Variants in TSHZ1 observed in about 807,000 individuals in gnomAD.
TSHZ1 encodes teashirt homolog 1.
TSHZ1 carries 12 observed loss-of-function variants against 67.1 expected under a neutral mutation model. The ratio of observed to expected loss-of-function variants is 0.18; its 90% CI spans 0.11 to 0.29. The LOEUF (loss-of-function observed/expected upper bound fraction) is 0.29, where lower values mean the gene tolerates loss of function less well. Ranked by LOEUF, TSHZ1 falls within the 10% of genes least tolerant of loss-of-function variation. The pLI, the probability that TSHZ1 is intolerant of heterozygous loss-of-function variation, is 1.00. For missense variants in TSHZ1, 1,305 were observed against 1,413.9 expected (o/e 0.92, Z 1.23); for synonymous variants, 632 against 622.4 (o/e 1.02, Z -0.23).
At chr18:75,266,602 G>A (rs371300009) in intron 1 of TSHZ1, among the ~76,000 whole-genome samples, 43 of 152,306 alleles carry the variant, frequency 2.8e-4, no homozygotes, top group African/African-American at 9.9e-4. Flanking sequence ...TGAAACATAA[G>A]GATGTCTTTT....
chr18:75,278,258 G>A (rs2023639291), intron 1 of TSHZ1, among the ~76,000 whole-genome samples: 1 of 145,542 alleles, frequency 6.9e-6, no homozygotes, highest in Non-Finnish European at 1.5e-5. Flanking sequence ...TAGCCTGGGG[G>A]TGGGTTGGAG....
chr18:75,251,835 G>C (rs1421131489), intron 1 of TSHZ1, among the ~76,000 whole-genome samples: 2 of 152,170 alleles, frequency 1.3e-5, no homozygotes, highest in East Asian at 1.9e-4. Context: ...ATTTGGAAAA[G>C]CTGGAATAAA....
intron 1 of TSHZ1, among the ~76,000 whole-genome samples, chr18:75,273,496 T>G (rs2023581526): frequency 6.6e-6 from 1 of 152,230 alleles, no homozygotes; most frequent in Middle Eastern, 3.2e-3. Context: ...AACAAAGATG[T>G]TTTAAACAAT....
chr18:75,234,339 A>G (rs956288022), intron 1 of TSHZ1, among the ~76,000 whole-genome samples: 2 of 151,720 alleles, frequency 1.3e-5, no homozygotes, highest in African/African-American at 4.8e-5. Context: ...CTTTCCATCC[A>G]CTTCCTTATC....
Position 75,211,029 on chromosome 18 carries a change from T to C in TSHZ1, c.-848T>C, listed in dbSNP as rs1599364426. 1 of 151,924 alleles carries C rather than the reference T, an allele frequency of 6.6e-6. No individual in the cohort carries two copies. Among genetic ancestry groups the C allele is most frequent in the Non-Finnish European group, 1.5e-5 (1 of 68,006 alleles). 9.4% of individuals were successfully genotyped at this position (151,924 alleles called of 1,614,324 possible). A position where few individuals can be genotyped will look rare whatever the true frequency, so the allele number is the denominator to read the frequency against. ...GGGGGGGGTGCTTTTTGTGTATTTT[T>C]CAAATTTTTTTCTGTTGGAAGATCA... On this transcript the variant is annotated 5_prime_UTR_variant, in exon 1 of 2. Transcript: ENST00000580243.
In TSHZ1 at chr18:75,267,328, C is replaced by T. The variant is rs76522536; in HGVS notation, c.41-18120C>T. 6.8e-3 allele frequency among the ~76,000 whole-genome samples: 1,035 copies of T among 152,340 alleles called. 3 individuals are homozygous for T. Among genetic ancestry groups the T allele is most frequent in the South Asian group, 0.014 (68 of 4,832 alleles). On this transcript the variant is annotated intron_variant, in intron 1 of 1. Transcript: ENST00000580243. Reference sequence around the variant, plus strand: ...GGATAGTCACAGAACAGACAGACCCCATCTCACCCATAGACCGTGGAGTCA... The same window carrying T: ...GGATAGTCACAGAACAGACAGACCCTATCTCACCCATAGACCGTGGAGTCA...
At position 75,287,870 on chromosome 18, in the gene TSHZ1, G is replaced by A. The variant is rs368209671; in HGVS notation, c.2463G>A (p.Val821=). The A allele has an allele frequency of 6.2e-7, 1 of 1,614,078 alleles. No individual in the cohort carries two copies. Among genetic ancestry groups the A allele is most frequent in the African/African-American group, 1.3e-5 (1 of 74,946 alleles). Residue 821 remains valine, a synonymous_variant, in exon 2 of 2, where the codon GTG becomes GTA. Coordinates refer to ENST00000580243, the MANE Select transcript of TSHZ1 (RefSeq NM_001308210.2). The surrounding 1 kb of genome is among the most constrained non-coding windows in gnomAD (Gnocchi z 5.0). ...CCAAGTCCAAGAACAAGCCGCTGGT[G>A]TCCAGCGTGGCTGATTCGGTGGCAT... The part of the protein sequence containing the change: ...DLTKSKNKPL[V]SSVADSVASP...
chr18:75,267,499 T>C (rs973299216), intron 1 of TSHZ1, among the ~76,000 whole-genome samples: 3 of 152,152 alleles, frequency 2.0e-5, no homozygotes, highest in Non-Finnish European at 4.4e-5. Context: ...CGCCAGTGGG[T>C]CCTGAAACAC....
At chr18:75,267,040 TA>T (rs2023497952) in intron 1 of TSHZ1, among the ~76,000 whole-genome samples, 1 of 152,228 alleles carries the variant, frequency 6.6e-6, no homozygotes, top group South Asian at 2.1e-4. Flanking sequence ...AAAAAGTTTT[TA>T]TTTCTGTTAT....
chr18:75,239,692 CAG>C (rs2023128772), intron 1 of TSHZ1, among the ~76,000 whole-genome samples: 1 of 152,154 alleles, frequency 6.6e-6, no homozygotes, highest in African/African-American at 2.4e-5. Context: ...TTTGTAGAGG[CAG>C]AGTCTTGCTG....
chr18:75,241,906 T>C (rs1254417906), intron 1 of TSHZ1, among the ~76,000 whole-genome samples: 1 of 148,416 alleles, frequency 6.7e-6, no homozygotes, highest in Non-Finnish European at 1.5e-5. Context: ...TCCTCTGTTG[T>C]AAGGTCACCA....
Position 75,211,735 on chromosome 18 carries a change from G to T in TSHZ1, c.-142G>T. Reference sequence around the variant, plus strand: ...ATGCGAGCGGCTCCCCGCGGTCCGCGGCGCGCCCGGAGCCCGGAGCCCGCG... The same window carrying T: ...ATGCGAGCGGCTCCCCGCGGTCCGCTGCGCGCCCGGAGCCCGGAGCCCGCG... On this transcript the variant is annotated 5_prime_UTR_variant, in exon 1 of 2. Coordinates refer to ENST00000580243, the MANE Select transcript of TSHZ1 (RefSeq NM_001308210.2). 1 of 364,624 alleles carries T rather than the reference G, an allele frequency of 2.7e-6. No homozygotes were observed. Among genetic ancestry groups the T allele is most frequent in the South Asian group, 1.1e-4 (1 of 9,274 alleles). 22.6% of individuals were successfully genotyped at this position (364,624 alleles called of 1,614,324 possible).
chr18:75,255,803 G>A (rs926828536), intron 1 of TSHZ1, among the ~76,000 whole-genome samples: 7 of 152,142 alleles, frequency 4.6e-5, no homozygotes, highest in East Asian at 1.9e-4. Context: ...AATAGACCAC[G>A]TTTCTGCATG....
Position 75,249,261 on chromosome 18 carries a change from G to T in TSHZ1, c.41-36187G>T, listed in dbSNP as rs2023262500. Among the ~76,000 whole-genome samples, 4 of 152,312 alleles carry T rather than the reference G, an allele frequency of 2.6e-5. No homozygotes were observed. In the South Asian group the frequency reaches 8.3e-4, roughly 32 times the overall value. On this transcript the variant is annotated intron_variant, in intron 1 of 1. Transcript: ENST00000580243. Reference sequence around the variant, plus strand: ...CTGGTGGAGACCCCGGAGCCACACGGGTTGAGAGCCCTGGGTGCCTCGCCT... The same window carrying T: ...CTGGTGGAGACCCCGGAGCCACACGTGTTGAGAGCCCTGGGTGCCTCGCCT...
intron 1 of TSHZ1, among the ~76,000 whole-genome samples, chr18:75,216,500 A>C (rs1428523651): frequency 6.6e-6 from 1 of 152,208 alleles, no homozygotes; most frequent in Non-Finnish European, 1.5e-5. Flanking sequence ...CATTCCAGAA[A>C]GTTTCTGTAG....
chr18:75,266,200 G>T (rs927468802), intron 1 of TSHZ1, among the ~76,000 whole-genome samples: 13 of 152,192 alleles, frequency 8.5e-5, no homozygotes, highest in African/African-American at 3.1e-4. Flanking sequence ...CGGTGCTAGG[G>T]CCTCACCCTG....
intron 1 of TSHZ1, among the ~76,000 whole-genome samples, chr18:75,235,053 G>A (rs762253723): frequency 2.6e-4 from 40 of 152,072 alleles, no homozygotes; most frequent in Admixed American, 1.6e-3. Flanking sequence ...CCTGGTGCTT[G>A]TGAGCCGTCA....
chr18:75,229,672 T>C (rs2022972391), intron 1 of TSHZ1, among the ~76,000 whole-genome samples: 1 of 152,234 alleles, frequency 6.6e-6, no homozygotes, highest in South Asian at 2.1e-4. Context: ...GTCTATGACG[T>C]GCCGACCCTG....
At chr18:75,244,396 C>T (rs1277222777) in intron 1 of TSHZ1, among the ~76,000 whole-genome samples, 1 of 152,232 alleles carries the variant, frequency 6.6e-6, no homozygotes, top group African/African-American at 2.4e-5. Flanking sequence ...TTCTACTGAA[C>T]ATTTTGAGAA....
Sources: allele counts gnomAD v4.1 joint callset (sites outside exome capture counted in the v4.1 genomes callset), GRCh38; gene constraint gnomAD v4.1.1; non-coding constraint Gnocchi (gnomAD v3.1); transcripts MANE v1.5; gene names NCBI Gene and HGNC (gene_info 2026-07-23, HGNC 2026-07-21).